ITGB1: variants seen among roughly 807,000 people sequenced by gnomAD.
The protein encoded by ITGB1 is integrin beta-1.
In ITGB1, 24 loss-of-function variants were observed where a neutral mutation model predicts 86.5. The observed-to-expected ratio is 0.28, with a 90% CI of 0.20 to 0.39. ITGB1 has a LOEUF of 0.39. Ranked by LOEUF, ITGB1 falls within the 10% of genes least tolerant of loss-of-function variation. The pLI, the probability that ITGB1 is intolerant of heterozygous loss-of-function variation, is 1.00. For missense variants in ITGB1, 556 were observed against 946.9 expected, an observed-to-expected ratio of 0.59 and a Z score of 5.42; for synonymous variants, 323 against 316.8, an observed-to-expected ratio of 1.02 and a Z score of -0.21.
intron 1 of ITGB1, 94 bp downstream of exon 1, chr10:32,958,051 G>T (rs1289219305): frequency 7.2e-6 from 1 of 137,968 alleles, no homozygotes; most frequent in Non-Finnish European, 1.6e-5. Flanking sequence ...CAAAGGTCCC[G>T]GCGCGGCCCG....
intron 11 of ITGB1, among the ~76,000 whole-genome samples, chr10:32,916,681 G>A (rs1049862019): frequency 9.9e-5 from 15 of 152,110 alleles, no homozygotes; most frequent in Admixed American, 3.9e-4. Flanking sequence ...ACTGCTCAAC[G>A]AAATAAAAGA....
At chr10:32,947,294 A>T (rs915840115) in intron 1 of ITGB1, among the ~76,000 whole-genome samples, 5 of 128,340 alleles carry the variant, frequency 3.9e-5, no homozygotes, top group Non-Finnish European at 7.8e-5. Context: ...AAATTTCATT[A>T]AATAAAAAAA....
intron 1 of ITGB1, among the ~76,000 whole-genome samples, chr10:32,942,900 A>C (rs149295862): frequency 0.016 from 2,436 of 152,024 alleles, 23 homozygotes; most frequent in Middle Eastern, 0.034. Flanking sequence ...ACATAGCAAA[A>C]CTTGGTGGAA....
intron 6 of ITGB1, among the ~76,000 whole-genome samples, chr10:32,924,451 T>G (rs1017023377): frequency 2.0e-5 from 3 of 152,240 alleles, no homozygotes; most frequent in Non-Finnish European, 4.4e-5. Context: ...ATACGTCTGT[T>G]TAGATCTTCA....
chr10:32,939,753 T>C (rs374327764), intron 1 of ITGB1, among the ~76,000 whole-genome samples: 29 of 141,096 alleles, frequency 2.1e-4, no homozygotes, highest in African/African-American at 7.1e-4. Flanking sequence ...AGTGAGTGAG[T>C]GAGTGAGTGA....
intron 14 of ITGB1, 46 bp from the exon 15 acceptor site, chr10:32,908,580 G>A: frequency 6.5e-7 from 1 of 1,547,128 alleles, no homozygotes. Context: ...GAGCTGTGCA[G>A]TGTCTTATAA....
rs542110483 is a variant in ITGB1, at chr10:32,923,870, A to G, written c.787-130T>C. 2.4e-3 allele frequency: 1,721 copies of G among 721,512 alleles called. 5 individuals are homozygous for G. The highest frequency in any genetic ancestry group is 4.8e-3 in the Admixed American group (158 of 32,694). The allele number at this position is 721,512 out of a possible 1,614,324, so 44.7% of individuals were successfully genotyped here. ...TATTTTCTGTGTCTTCTCTTTATAC[A>G]ATGGTAATTATCTTGCTGAGAAACA... On this transcript the variant is annotated intron_variant, in intron 6 of 15. Transcript: ENST00000302278.
intron 1 of ITGB1, chr10:32,955,562 T>A (rs1174566143): frequency 6.6e-6 from 1 of 152,212 alleles, no homozygotes; most frequent in Non-Finnish European, 1.5e-5. Flanking sequence ...CTGTAAGCCA[T>A]AACTTACTTA....
intron 1 of ITGB1, among the ~76,000 whole-genome samples, chr10:32,952,107 G>GA (rs1199326403): frequency 1.3e-5 from 2 of 151,696 alleles, no homozygotes; most frequent in Admixed American, 1.3e-4. Context: ...ATAAACATAG[G>GA]AAAAAAAGTT....
chr10:32,949,023 G>C (rs939198242), intron 1 of ITGB1, among the ~76,000 whole-genome samples: 1 of 148,212 alleles, frequency 6.7e-6, no homozygotes, highest in South Asian at 2.1e-4. Flanking sequence ...CTAGGCACAG[G>C]CAAGAAGAAG....
chr10:32,920,710 C>T (rs971472373), intron 9 of ITGB1, among the ~76,000 whole-genome samples: 1 of 151,842 alleles, frequency 6.6e-6, no homozygotes, highest in African/African-American at 2.4e-5. Context: ...TGGTAGCTCA[C>T]ACCTGTAATC....
intron 3 of ITGB1, among the ~76,000 whole-genome samples, chr10:32,931,488 T>C (rs1368091871): frequency 1.3e-5 from 2 of 152,132 alleles, no homozygotes; most frequent in Non-Finnish European, 2.9e-5. Flanking sequence ...GCGGATATTA[T>C]CATCCTCATT....
chr10:32,915,958 T>C (rs532709387), intron 11 of ITGB1, among the ~76,000 whole-genome samples: 20 of 152,172 alleles, frequency 1.3e-4, no homozygotes, highest in Non-Finnish European at 2.4e-4. Flanking sequence ...TCAAAAAGCT[T>C]ATCCACCACA....
chr10:32,950,694 C>T (rs2095040911), intron 1 of ITGB1, among the ~76,000 whole-genome samples: 1 of 152,110 alleles, frequency 6.6e-6, no homozygotes, highest in African/African-American at 2.4e-5. Flanking sequence ...AAATTCACCA[C>T]TCCCACCCAG....
intron 1 of ITGB1, among the ~76,000 whole-genome samples, chr10:32,952,732 C>T (rs116974728): frequency 0.016 from 2,507 of 152,200 alleles, 37 homozygotes; most frequent in Non-Finnish European, 0.027. Flanking sequence ...AAATAGAATG[C>T]TGATTTTTCT....
chr10:32,915,828 T>C (rs1462357817), intron 11 of ITGB1, among the ~76,000 whole-genome samples: 1 of 152,206 alleles, frequency 6.6e-6, no homozygotes, highest in Non-Finnish European at 1.5e-5. Flanking sequence ...GCCAGCATCA[T>C]CCTGATACCA....
intron 7 of ITGB1, 79 bp from the exon 8 acceptor site, chr10:32,922,814 G>T: frequency 1.3e-6 from 1 of 746,116 alleles, no homozygotes; most frequent in Non-Finnish European, 2.2e-6. Flanking sequence ...AGTTATACAT[G>T]CAAGATTACA....
intron 1 of ITGB1, among the ~76,000 whole-genome samples, chr10:32,943,210 T>TA (rs1394947700): frequency 6.6e-6 from 1 of 152,152 alleles, no homozygotes; most frequent in Non-Finnish European, 1.5e-5. Context: ...AACTTATAGA[T>TA]AGATATAAAA....
intron 11 of ITGB1, among the ~76,000 whole-genome samples, chr10:32,916,089 G>C (rs1279901407): frequency 2.0e-5 from 3 of 152,154 alleles, no homozygotes; most frequent in African/African-American, 7.2e-5. Context: ...ATGCAGAAAA[G>C]GTGTTCGACA....
Sources: gnomAD v4.1 joint callset for allele counts (sites outside exome capture counted in the v4.1 genomes callset) on GRCh38, gnomAD v4.1.1 for gene constraint, MANE v1.5 for transcripts, NCBI Gene and HGNC (gene_info 2026-07-23, HGNC 2026-07-21) for gene names.